TUSC3: variants seen among roughly 807,000 people sequenced by gnomAD.
TUSC3 encodes the protein tumor suppressor candidate 3.
In TUSC3, 45 loss-of-function variants were observed where a neutral mutation model predicts 44.8. That is an observed-to-expected ratio of 1.00 (90% CI 0.79 to 1.29). The LOEUF (loss-of-function observed/expected upper bound fraction) is 1.29, where lower values mean the gene tolerates loss of function less well. Ranked by LOEUF, TUSC3 falls within the 50% of genes most tolerant of loss-of-function variation. The probability of loss-of-function intolerance (pLI) is 0.00; values close to 1 mark genes in which losing one functional copy is unlikely to be tolerated. For synonymous variants in TUSC3, 212 were observed against 152.9 expected, an observed-to-expected ratio of 1.39 and a Z score of -2.85; for missense variants, 519 against 437.9, an observed-to-expected ratio of 1.19 and a Z score of -1.65.
chr8:15,684,988 C>T (rs1417409723), intron 6 of TUSC3, among the ~76,000 whole-genome samples: 1 of 152,168 alleles, frequency 6.6e-6, no homozygotes, highest in Non-Finnish European at 1.5e-5. Context: ...AGTCCTGTGG[C>T]AATGGTGGCC....
chr8:15,677,770 A>G (rs763882140), intron 6 of TUSC3, among the ~76,000 whole-genome samples: 1 of 152,208 alleles, frequency 6.6e-6, no homozygotes, highest in Non-Finnish European at 1.5e-5. Context: ...GTGCAGGGGC[A>G]GGAAAGGTGG....
intron 1 of TUSC3, among the ~76,000 whole-genome samples, chr8:15,562,989 C>G (rs955725948): frequency 6.9e-6 from 1 of 145,376 alleles, no homozygotes; most frequent in East Asian, 2.1e-4. Context: ...CAGGTCTTGT[C>G]CATGCCCAGG....
chr8:15,675,683 C>T (rs970492723), intron 6 of TUSC3, among the ~76,000 whole-genome samples: 3 of 152,054 alleles, frequency 2.0e-5, no homozygotes, highest in East Asian at 1.9e-4. Context: ...CTTATAAGAA[C>T]GTGCAGTACT....
the TUSC3 span, among the ~76,000 whole-genome samples, chr8:15,816,590 G>C: frequency 9.1e-4 from 138 of 152,242 alleles, 1 homozygote; most frequent in African/African-American, 3.2e-3. Context: ...CCTATTCGAA[G>C]ACTTAATTCG....
chr8:15,655,148 T>G (rs1041093638), intron 3 of TUSC3, among the ~76,000 whole-genome samples: 12 of 152,234 alleles, frequency 7.9e-5, no homozygotes, highest in African/African-American at 2.9e-4. Flanking sequence ...TGTTAAACTG[T>G]CTTGCTAAAA....
chr8:15,838,732 C>T, the TUSC3 span, among the ~76,000 whole-genome samples: 9 of 152,194 alleles, frequency 5.9e-5, no homozygotes, highest in South Asian at 1.9e-3. Flanking sequence ...GTTTTGGTAC[C>T]AGTACCATGC....
chr8:15,583,599 G>T (rs76058749), intron 1 of TUSC3, among the ~76,000 whole-genome samples: 3 of 152,122 alleles, frequency 2.0e-5, no homozygotes, highest in Non-Finnish European at 4.4e-5. Context: ...TAAGAAAGAA[G>T]AATTTTGAAA....
chr8:15,504,755 C>T (rs925934379), intron 2 of TUSC3, among the ~76,000 whole-genome samples: 26 of 147,908 alleles, frequency 1.8e-4, no homozygotes, highest in Admixed American at 7.5e-4. Context: ...TGGGTTCAAG[C>T]GATTCTCCTG....
the TUSC3 span, among the ~76,000 whole-genome samples, chr8:15,848,253 G>T: frequency 6.6e-6 from 1 of 152,172 alleles, no homozygotes; most frequent in African/African-American, 2.4e-5. Flanking sequence ...TTCCCCAGGT[G>T]GCCTTGGACT....
chr8:15,499,114 A>G (rs1456881973), intron 2 of TUSC3, among the ~76,000 whole-genome samples: 1 of 152,048 alleles, frequency 6.6e-6, no homozygotes, highest in Non-Finnish European at 1.5e-5. Flanking sequence ...TTTCATGGTT[A>G]CTATCATCCT....
intron 1 of TUSC3, among the ~76,000 whole-genome samples, chr8:15,467,449 T>C (rs1563258889): frequency 6.6e-6 from 1 of 152,176 alleles, no homozygotes; most frequent in Non-Finnish European, 1.5e-5. Flanking sequence ...CATACTGCCT[T>C]AGAGTATAAT....
intron 1 of TUSC3, among the ~76,000 whole-genome samples, chr8:15,439,595 G>C (rs1425940133): frequency 6.6e-6 from 1 of 152,074 alleles, no homozygotes; most frequent in Admixed American, 6.6e-5. Context: ...AACATGAAAG[G>C]GCAAATGGAA....
intron 7 of TUSC3, 53 bp from the exon 8 acceptor site, chr8:15,743,485 T>G: frequency 6.3e-7 from 1 of 1,584,642 alleles, no homozygotes. Flanking sequence ...GCCAGAAAAA[T>G]TAATAGATTT....
intron 2 of TUSC3, among the ~76,000 whole-genome samples, chr8:15,499,407 A>G (rs867577786): frequency 2.0e-5 from 3 of 152,208 alleles, no homozygotes; most frequent in South Asian, 2.1e-4. Flanking sequence ...AGAAAATTCT[A>G]TCATATCCAT....
chr8:15,822,645 G>A, the TUSC3 span, among the ~76,000 whole-genome samples: 1 of 152,110 alleles, frequency 6.6e-6, no homozygotes, highest in East Asian at 1.9e-4. Flanking sequence ...GGGAATTCAT[G>A]TTAAGATGGC....
intron 2 of TUSC3, among the ~76,000 whole-genome samples, chr8:15,493,459 T>C (rs950711896): frequency 2.0e-5 from 3 of 152,048 alleles, no homozygotes; most frequent in African/African-American, 4.8e-5. Flanking sequence ...GACAAGATCT[T>C]GCTATGTTGC....
At chr8:15,423,242 A>T (rs879699568) in intron 1 of TUSC3, among the ~76,000 whole-genome samples, 1 of 152,098 alleles carries the variant, frequency 6.6e-6, no homozygotes, top group African/African-American at 2.4e-5. Flanking sequence ...GCGGGATTTG[A>T]TTTGCTAATA....
intron 6 of TUSC3, among the ~76,000 whole-genome samples, chr8:15,719,453 T>C (rs1371382399): frequency 4.6e-5 from 7 of 151,720 alleles, no homozygotes; most frequent in Admixed American, 1.3e-4. Flanking sequence ...TTTTCTGCTT[T>C]TCCTTTTCTT....
At chr8:15,846,616 C>A in the TUSC3 span, among the ~76,000 whole-genome samples, 1 of 151,996 alleles carries the variant, frequency 6.6e-6, no homozygotes, top group South Asian at 2.1e-4. Context: ...AACAGAAAAC[C>A]AAACACCACA....
Sources: allele counts gnomAD v4.1 joint callset (sites outside exome capture counted in the v4.1 genomes callset), GRCh38; gene constraint gnomAD v4.1.1; transcripts MANE v1.5; gene names NCBI Gene and HGNC (gene_info 2026-07-23, HGNC 2026-07-21).